The following SOX5 variants were observed in gnomAD, a reference collection of about 807,000 sequenced individuals.
SOX5 encodes transcription factor SOX-5.
In SOX5, 9 loss-of-function variants were observed where a neutral mutation model predicts 92.0. That is an observed-to-expected ratio of 0.10 (90% confidence interval 0.06 to 0.17). The LOEUF is 0.17. SOX5 is among the 10% of genes least tolerant of loss of function. The probability of loss-of-function intolerance (pLI) is 1.00; values close to 1 mark genes in which losing one functional copy is unlikely to be tolerated. For missense variants in SOX5, 642 were observed against 944.5 expected (o/e 0.68, Z 4.20); for synonymous variants, 344 against 336.3 (o/e 1.02, Z -0.25).
intron 1 of SOX5, among the ~76,000 whole-genome samples, chr12:24,457,165 C>T (rs556131451): frequency 1.5e-4 from 23 of 152,192 alleles, no homozygotes; most frequent in African/African-American, 5.5e-4. Flanking sequence ...AAGCGCAAAT[C>T]GCTGTATTCA....
At chr12:24,130,871 C>G (rs1266451708) in intron 4 of SOX5, among the ~76,000 whole-genome samples, 1 of 152,148 alleles carries the variant, frequency 6.6e-6, no homozygotes, top group Non-Finnish European at 1.5e-5. Flanking sequence ...GTCTTCAACC[C>G]TCATTTCTAT....
At chr12:23,876,157 C>T (rs1376212894) in intron 2 of SOX5, among the ~76,000 whole-genome samples, 1 of 152,112 alleles carries the variant, frequency 6.6e-6, no homozygotes, top group Non-Finnish European at 1.5e-5. Context: ...TAGTAAAAGG[C>T]ACTGATAACT....
intron 3 of SOX5, among the ~76,000 whole-genome samples, chr12:24,266,398 A>G (rs916448269): frequency 6.6e-6 from 1 of 152,154 alleles, no homozygotes; most frequent in Non-Finnish European, 1.5e-5. Context: ...CAGACTTTTA[A>G]TGTGCACTGT....
chr12:23,959,951 A>G (rs1946703010), intron 4 of SOX5, among the ~76,000 whole-genome samples: 1 of 152,192 alleles, frequency 6.6e-6, no homozygotes, highest in Non-Finnish European at 1.5e-5. Flanking sequence ...CCCTGCAGAT[A>G]GAGTTTACTT....
At chr12:23,902,453 A>T (rs1262487454) in intron 1 of SOX5, among the ~76,000 whole-genome samples, 7 of 152,156 alleles carry the variant, frequency 4.6e-5, no homozygotes, top group Non-Finnish European at 7.4e-5. Flanking sequence ...AAAAATAAAT[A>T]TCTAGAAAGA....
intron 1 of SOX5, among the ~76,000 whole-genome samples, chr12:24,538,065 A>T (rs1951794680): frequency 6.6e-6 from 1 of 152,212 alleles, no homozygotes; most frequent in Non-Finnish European, 1.5e-5. Context: ...ACGGGAAGCA[A>T]TATTCTCCAA....
At chr12:24,195,850 A>G (rs979538558) in intron 4 of SOX5, among the ~76,000 whole-genome samples, 2 of 152,136 alleles carry the variant, frequency 1.3e-5, no homozygotes, top group African/African-American at 4.8e-5. Flanking sequence ...AATTGCTTAT[A>G]TAGTCTCCAT....
chr12:24,219,288 G>A (rs957412192), intron 3 of SOX5, among the ~76,000 whole-genome samples: 10 of 151,936 alleles, frequency 6.6e-5, no homozygotes, highest in Non-Finnish European at 1.3e-4. Flanking sequence ...TATATTTCAT[G>A]ATAACTAAAG....
At chr12:24,410,999 T>C (rs1018014324) in intron 1 of SOX5, among the ~76,000 whole-genome samples, 1 of 152,202 alleles carries the variant, frequency 6.6e-6, no homozygotes, top group Non-Finnish European at 1.5e-5. Flanking sequence ...GCTTGCAGCA[T>C]ACACATCCTT....
At chr12:24,079,683 C>T (rs1299133029) in intron 4 of SOX5, among the ~76,000 whole-genome samples, 1 of 151,724 alleles carries the variant, frequency 6.6e-6, no homozygotes, top group Non-Finnish European at 1.5e-5. Flanking sequence ...AATATAGTAT[C>T]AATATACAGA....
At chr12:23,709,064 G>T (rs2091768916) in intron 6 of SOX5, among the ~76,000 whole-genome samples, 1 of 150,552 alleles carries the variant, frequency 6.6e-6, no homozygotes, top group South Asian at 2.1e-4. Flanking sequence ...GAAGGTTAGG[G>T]ACAAACAAAA....
At chr12:23,721,189 G>T (rs1378672913) in intron 6 of SOX5, among the ~76,000 whole-genome samples, 1 of 152,006 alleles carries the variant, frequency 6.6e-6, no homozygotes, top group Non-Finnish European at 1.5e-5. Context: ...AGGTTCAAGC[G>T]ATTCTCCTGC....
chr12:24,463,729 C>T (rs182121682), intron 1 of SOX5, among the ~76,000 whole-genome samples: 1 of 152,302 alleles, frequency 6.6e-6, no homozygotes, highest in East Asian at 1.9e-4. Context: ...AAATTGATTT[C>T]TTCAATAAAC....
At chr12:23,961,046 T>C (rs1281055009) in intron 4 of SOX5, among the ~76,000 whole-genome samples, 1 of 152,314 alleles carries the variant, frequency 6.6e-6, no homozygotes, top group Middle Eastern at 3.4e-3. Context: ...TGGTTGCCTA[T>C]CAACTATACA....
chr12:23,832,783 GCTCA>G (rs2096349588), intron 3 of SOX5, among the ~76,000 whole-genome samples: 1 of 150,582 alleles, frequency 6.6e-6, no homozygotes, highest in South Asian at 2.1e-4. Flanking sequence ...CAAGGTAGAT[GCTCA>G]CTTTTAGGCA....
At chr12:23,741,480 T>C (rs2093794954) in intron 4 of SOX5, among the ~76,000 whole-genome samples, 1 of 152,044 alleles carries the variant, frequency 6.6e-6, no homozygotes, top group South Asian at 2.1e-4. Flanking sequence ...AGTACTACAG[T>C]TTTTCATCTA....
At chr12:24,431,550 T>C (rs544868624) in intron 1 of SOX5, among the ~76,000 whole-genome samples, 1 of 152,324 alleles carries the variant, frequency 6.6e-6, no homozygotes, top group East Asian at 1.9e-4. Context: ...TGTTCTTTTG[T>C]TTTTTGATCA....
At chr12:24,406,424 T>C (rs1962967994) in intron 1 of SOX5, among the ~76,000 whole-genome samples, 1 of 152,158 alleles carries the variant, frequency 6.6e-6, no homozygotes, top group African/African-American at 2.4e-5. Flanking sequence ...CAAAGCCAGC[T>C]TAATATAACA....
chr12:24,557,620 C>A (rs1465402640), intron 1 of SOX5, among the ~76,000 whole-genome samples: 4 of 152,078 alleles, frequency 2.6e-5, no homozygotes, highest in Non-Finnish European at 5.9e-5. Context: ...CCAGAGAATA[C>A]AAACTGCGTA....
Sources: allele counts gnomAD v4.1 joint callset (sites outside exome capture counted in the v4.1 genomes callset), GRCh38; gene constraint gnomAD v4.1.1; transcripts MANE v1.5; gene names NCBI Gene and HGNC (gene_info 2026-07-23, HGNC 2026-07-21).